The following CEP350 variants were observed in gnomAD, a reference collection of about 807,000 sequenced individuals.
CEP350 encodes centrosome-associated protein 350.
A neutral mutation model predicts 331.8 loss-of-function variants in CEP350; 126 were observed. That is an observed-to-expected ratio of 0.38 (90% confidence interval 0.33 to 0.44). The LOEUF is 0.44. Among genes scored for constraint, CEP350 ranks in the 20% least tolerant of loss-of-function variants. The pLI, the probability that CEP350 is intolerant of heterozygous loss-of-function variation, is 1.00. For missense variants in CEP350, 3,406 were observed against 3,634.6 expected (o/e 0.94, Z 1.62); for synonymous variants, 1,200 against 1,259.5 (o/e 0.95, Z 1.00).
At chr1:179,999,612 G>T (rs918682179) in intron 6 of CEP350, among the ~76,000 whole-genome samples, 2 of 151,928 alleles carry the variant, frequency 1.3e-5, no homozygotes, top group Non-Finnish European at 2.9e-5. Context: ...CATTTTGTTC[G>T]CAGTCCAAAA....
chr1:179,961,088 G>A (rs1267224283), intron 1 of CEP350, among the ~76,000 whole-genome samples: 2 of 152,158 alleles, frequency 1.3e-5, no homozygotes, highest in East Asian at 3.9e-4. Context: ...GAATAGATGT[G>A]TGTTATACGT....
chr1:180,091,663 T>A (rs1456585550), intron 33 of CEP350, among the ~76,000 whole-genome samples: 1 of 152,034 alleles, frequency 6.6e-6, no homozygotes, highest in Non-Finnish European at 1.5e-5. Context: ...AAACTCCATC[T>A]CTACAAAACA....
In CEP350 at chr1:180,075,159, A is replaced by C; in HGVS notation, c.5705A>C (p.Lys1902Thr). 1 of 1,613,702 alleles carries C rather than the reference A, an allele frequency of 6.2e-7. No individual in the cohort carries two copies. Among genetic ancestry groups the C allele is most frequent in the Non-Finnish European group, 8.5e-7 (1 of 1,179,754 alleles). The change falls in exon 28 of 38, where the codon AAA becomes ACA. Residue 1902 changes from lysine to threonine, a missense_variant. Lys to Thr is a moderately conservative substitution (Grantham distance 78). This residue lies in a region of CEP350 where 1,415 missense variants were observed against 1,512.3 expected (regional missense o/e 0.94). Coordinates refer to ENST00000367607, the MANE Select transcript of CEP350 (RefSeq NM_014810.5). ...AAACAAGCTTTGGCTGCCTGGGACA[A>C]AGAATTAATAAAACCCAAAACTCCT... ...MEKQALAAWD[K>T]ELIKPKTPKK...
intron 37 of CEP350, among the ~76,000 whole-genome samples, chr1:180,105,553 A>T (rs2149186664): frequency 6.6e-6 from 1 of 152,258 alleles, no homozygotes; most frequent in East Asian, 1.9e-4. Flanking sequence ...CTTTCTACTG[A>T]GGTATTATTT....
chr1:180,069,503 A>G (rs926888087), intron 27 of CEP350, among the ~76,000 whole-genome samples: 2 of 152,198 alleles, frequency 1.3e-5, no homozygotes, highest in South Asian at 2.1e-4. Context: ...CTTAGACAAC[A>G]TTCTAGTCTA....
intron 20 of CEP350, among the ~76,000 whole-genome samples, chr1:180,043,772 TTGTGTG>T (rs71118428): frequency 0.55 from 81,356 of 148,472 alleles, 23,689 homozygotes; most frequent in East Asian, 0.69. Flanking sequence ...ATTACCATAT[TTGTGTG>T]TGTGTGTGTG....
chr1:180,053,743 A>G lies in CEP350; in HGVS notation c.4990-7A>G, dbSNP rs373405828. 1.4e-5 allele frequency: 21 copies of G among 1,522,980 alleles called. No individual in the cohort carries two copies. In the East Asian group the frequency reaches 1.6e-4, roughly 12 times the overall value. 94.3% of individuals were successfully genotyped at this position (1,522,980 alleles called of 1,614,324 possible). A position where few individuals can be genotyped will look rare whatever the true frequency, so the allele number is the denominator to read the frequency against. Reference sequence around the variant, plus strand: ...ATGATAAACAAGAAAGAAACCATCTACTTTAGGAACTGAACATGCCATTCT... The same window carrying G: ...ATGATAAACAAGAAAGAAACCATCTGCTTTAGGAACTGAACATGCCATTCT... On this transcript the variant is annotated splice_polypyrimidine_tract_variant and splice_region_variant and intron_variant, in intron 23 of 37. Transcript: ENST00000367607.
chr1:180,044,068 C>T lies in CEP350; in HGVS notation c.4517C>T (p.Ser1506Leu), dbSNP rs780542969. Residue 1506 changes from serine (S) to leucine (L), a missense_variant, in exon 21 of 38, where the codon TCA (serine) becomes TTA (leucine). By Grantham distance (145) the Ser-to-Leu change is moderately radical (BLOSUM62 -2). Coordinates refer to ENST00000367607, the MANE Select transcript of CEP350 (RefSeq NM_014810.5). ...TETDRKSPSV[S>L]LSQSKEGTLD... ...ATTTGTAGGAAAAGTCCATCTGTTTCACTCTCTCAGAGTAAAGAAGGGACC... is the reference window on the plus strand; with the variant it reads ...ATTTGTAGGAAAAGTCCATCTGTTTTACTCTCTCAGAGTAAAGAAGGGACC... 2.6e-6 allele frequency: 4 copies of T among 1,544,660 alleles called. No individual in the cohort carries two copies. The highest frequency in any genetic ancestry group is 1.2e-5 in the South Asian group (1 of 81,804).
intron 1 of CEP350, among the ~76,000 whole-genome samples, chr1:179,965,277 A>AT (rs1302848458): frequency 3.3e-5 from 5 of 152,092 alleles, no homozygotes; most frequent in Admixed American, 3.3e-4. Flanking sequence ...ACATGATTTC[A>AT]TTTTTTAAGA....
At chr1:180,037,817 T>G (rs1438302223) in intron 17 of CEP350, among the ~76,000 whole-genome samples, 1 of 152,042 alleles carries the variant, frequency 6.6e-6, no homozygotes, top group Admixed American at 6.6e-5. Context: ...GCCCGGCTAA[T>G]TTTTTGTATT....
intron 26 of CEP350, among the ~76,000 whole-genome samples, chr1:180,063,267 A>G (rs1658346134): frequency 1.4e-5 from 2 of 146,536 alleles, no homozygotes; most frequent in South Asian, 4.3e-4. Context: ...CACAGCTCAC[A>G]GCAGCCTTGA....
intron 14 of CEP350, 149 bp downstream of exon 14, chr1:180,024,731 C>A: frequency 1.1e-6 from 1 of 891,310 alleles, no homozygotes; most frequent in Non-Finnish European, 1.6e-6. Context: ...ATAATAATAC[C>A]TTTTGATATA....
At chr1:180,005,179 GCCCACACTTC>G (rs542002264) in intron 7 of CEP350, among the ~76,000 whole-genome samples, 10 of 151,436 alleles carry the variant, frequency 6.6e-5, no homozygotes, top group Non-Finnish European at 8.8e-5. Context: ...AATGTCTTTA[GCCCACACTTC>G]CCCTCTGAAC....
At chr1:180,012,204 G>T in intron 9 of CEP350, 129 bp downstream of exon 9, 1 of 792,862 alleles carries the variant, frequency 1.3e-6, no homozygotes, top group Non-Finnish European at 2.0e-6. Context: ...GCTCAAAAAA[G>T]AAAAAAATGT....
intron 32 of CEP350, among the ~76,000 whole-genome samples, 169 bp from the exon 33 acceptor site, chr1:180,090,545 C>CAAAAAAAA: frequency 1.3e-5 from 1 of 77,372 alleles, no homozygotes; most frequent in Non-Finnish European, 2.3e-5. Flanking sequence ...GACTCCGTCT[C>CAAAAAAAA]AAAAAAAAAA....
chr1:180,045,812 G>C (rs986848403), intron 21 of CEP350, among the ~76,000 whole-genome samples: 17 of 152,054 alleles, frequency 1.1e-4, no homozygotes, highest in African/African-American at 4.1e-4. Flanking sequence ...TTCAAATTAA[G>C]GTCTAAATTA....
chr1:180,009,270 A>G (rs1448526487), intron 8 of CEP350, among the ~76,000 whole-genome samples: 1 of 152,230 alleles, frequency 6.6e-6, no homozygotes, highest in Non-Finnish European at 1.5e-5. Context: ...TTAGCCTCCC[A>G]AAGTTTTGGG....
intron 37 of CEP350, among the ~76,000 whole-genome samples, chr1:180,103,982 T>TA (rs1163241067): frequency 1.4e-5 from 2 of 147,148 alleles, no homozygotes; most frequent in African/African-American, 4.9e-5. Context: ...TATTTTAAAA[T>TA]ATATACAAAT....
chr1:180,042,853 T>G (rs1284147919), intron 19 of CEP350, among the ~76,000 whole-genome samples: 1 of 152,236 alleles, frequency 6.6e-6, no homozygotes, highest in Non-Finnish European at 1.5e-5. Flanking sequence ...GTAGAAATCA[T>G]GTAGTCTAAC....
Sources: allele counts gnomAD v4.1 joint callset (sites outside exome capture counted in the v4.1 genomes callset), GRCh38; gene constraint gnomAD v4.1.1; regional missense constraint gnomAD v4.1.1; transcripts MANE v1.5; gene names NCBI Gene and HGNC (gene_info 2026-07-23, HGNC 2026-07-21).